The following FAM76A variants were observed in gnomAD, a reference collection of about 807,000 sequenced individuals.
FAM76A encodes family with sequence similarity 76 member A.
In FAM76A, 32 loss-of-function variants were observed where a neutral mutation model predicts 46.2. The ratio of observed to expected loss-of-function variants is 0.69; its 90% CI spans 0.52 to 0.93. The LOEUF (loss-of-function observed/expected upper bound fraction) is 0.93, where lower values mean the gene tolerates loss of function less well. Ranked by LOEUF, FAM76A falls within the 40% of genes least tolerant of loss-of-function variation. The pLI is 0.00. For synonymous variants in FAM76A, 137 were observed against 127.0 expected (o/e 1.08, Z -0.53); for missense variants, 274 against 361.5 (o/e 0.76, Z 1.96).
intron 8 of FAM76A, chr1:27,760,227 C>G (rs1176054666): frequency 5.3e-6 from 2 of 378,552 alleles, no homozygotes; most frequent in Non-Finnish European, 1.0e-5. Context: ...CTCATGAAGT[C>G]ACTTCACAGT....
chr1:27,746,346 G>A (rs542739781), intron 5 of FAM76A, among the ~76,000 whole-genome samples: 2 of 152,302 alleles, frequency 1.3e-5, no homozygotes, highest in East Asian at 3.9e-4. Flanking sequence ...GTTTTGGAAA[G>A]TTGAGTTTGA....
At chr1:27,733,576 G>A (rs1266105708) in intron 3 of FAM76A, among the ~76,000 whole-genome samples, 1 of 151,852 alleles carries the variant, frequency 6.6e-6, no homozygotes, top group African/African-American at 2.4e-5. Flanking sequence ...GGCCGGGCGT[G>A]GTGGCTCACA....
chr1:27,743,676 G>A (rs1487677032), intron 4 of FAM76A, among the ~76,000 whole-genome samples: 1 of 152,012 alleles, frequency 6.6e-6, no homozygotes, highest in Non-Finnish European at 1.5e-5. Flanking sequence ...GAGGTGGGAG[G>A]ATTGCCTGAG....
chr1:27,760,032 C>CA (rs1053192606), intron 8 of FAM76A: 3 of 457,944 alleles, frequency 6.6e-6, no homozygotes, highest in Non-Finnish European at 1.3e-5. Flanking sequence ...CTCAACCTCA[C>CA]AAAGTGCTAG....
chr1:27,732,305 C>T (rs1473237574), intron 2 of FAM76A, among the ~76,000 whole-genome samples: 1 of 152,072 alleles, frequency 6.6e-6, no homozygotes, highest in East Asian at 1.9e-4. Flanking sequence ...TGGTGCGCGC[C>T]TATGATTCCA....
chr1:27,748,085 T>TATAAGATGC (rs2088270040), intron 5 of FAM76A, among the ~76,000 whole-genome samples: 1 of 151,888 alleles, frequency 6.6e-6, no homozygotes, highest in South Asian at 2.1e-4. Flanking sequence ...CTCACAGAAT[T>TATAAGATGC]ATAAGATGCA....
chr1:27,737,650 A>G (rs2088072887), intron 4 of FAM76A, among the ~76,000 whole-genome samples: 2 of 151,976 alleles, frequency 1.3e-5, no homozygotes, highest in Admixed American at 6.6e-5. Context: ...TCAGGAGATT[A>G]AGACCAGCCT....
chr1:27,731,987 AATTTTTGT>A (rs766202347), intron 2 of FAM76A, among the ~76,000 whole-genome samples: 4 of 151,908 alleles, frequency 2.6e-5, no homozygotes, highest in Non-Finnish European at 5.9e-5. Context: ...ACGCCTGGCT[AATTTTTGT>A]ATTTTTAGTA....
At chr1:27,757,699 G>A (rs1384001963) in intron 7 of FAM76A, among the ~76,000 whole-genome samples, 2 of 151,996 alleles carry the variant, frequency 1.3e-5, no homozygotes, top group East Asian at 2.0e-4. Context: ...CTTTGAGGCC[G>A]GGCTTGGTGG....
chr1:27,726,252 C>T (rs952375090), intron 1 of FAM76A, 91 bp downstream of exon 1: 3 of 1,136,226 alleles, frequency 2.6e-6, no homozygotes, highest in Non-Finnish European at 3.3e-6. Flanking sequence ...GCGGGGTCCC[C>T]GGAGCAGGGT....
intron 4 of FAM76A, among the ~76,000 whole-genome samples, chr1:27,744,275 C>T (rs1413489726): frequency 6.6e-6 from 1 of 152,072 alleles, no homozygotes; most frequent in Admixed American, 6.6e-5. Context: ...ACTACAGGTG[C>T]ACGACACTAT....
Position 27,744,828 on chromosome 1 carries a change from T to A in FAM76A, c.512+17T>A, listed in dbSNP as rs374146276. 3 of 1,610,942 alleles carry A rather than the reference T, an allele frequency of 1.9e-6. No homozygotes were observed. In the South Asian group the frequency reaches 3.3e-5, roughly 18 times the overall value. ...TTATAACAGGTAACCTCAAGACACA[T>A]GAGATGGGACTAGAAGTGCTGGTAG... On this transcript the variant is annotated intron_variant, in intron 5 of 8. Coordinates refer to ENST00000373954, the MANE Select transcript of FAM76A (RefSeq NM_152660.3).
Position 27,727,615 on chromosome 1 carries a change from A to G in FAM76A, c.146+79A>G, listed in dbSNP as rs371498417. 2.0e-4 allele frequency: 207 copies of G among 1,022,544 alleles called. No individual in the cohort carries two copies. The African/African-American group carries it at 2.7e-3, about 13-fold the overall frequency. The allele number at this position is 1,022,544 out of a possible 1,614,324, so 63.3% of individuals were successfully genotyped here. ...CTGTAATTGATTGCATTTCATGTAC[A>G]GATGCTATAATCAGTTGCATTGTAA... On this transcript the variant is annotated intron_variant, in intron 2 of 8. Coordinates refer to ENST00000373954, the MANE Select transcript of FAM76A (RefSeq NM_152660.3).
chr1:27,740,388 AG>A, intron 4 of FAM76A: 1 of 1,320,406 alleles, frequency 7.6e-7, no homozygotes, highest in Non-Finnish European at 1.1e-6. Flanking sequence ...TGGGTTTGGA[AG>A]GCAGAAATTC....
At chr1:27,741,305 C>T (rs2088149126) in intron 4 of FAM76A, among the ~76,000 whole-genome samples, 1 of 149,646 alleles carries the variant, frequency 6.7e-6, no homozygotes, top group Non-Finnish European at 1.5e-5. Context: ...CTCAGGCGAT[C>T]CTTCCAAGTA....
intron 2 of FAM76A, among the ~76,000 whole-genome samples, chr1:27,731,198 A>ATTT (rs34236376): frequency 1.0e-4 from 11 of 109,820 alleles, no homozygotes; most frequent in Non-Finnish European, 2.0e-4. Flanking sequence ...AGAAATCAGA[A>ATTT]TTTTTTTTTT....
At chr1:27,743,890 A>G (rs576380726) in intron 4 of FAM76A, among the ~76,000 whole-genome samples, 1 of 152,136 alleles carries the variant, frequency 6.6e-6, no homozygotes, top group South Asian at 2.1e-4. Flanking sequence ...GTAGTGTACT[A>G]CAATCACACC....
In FAM76A at chr1:27,726,026, T is replaced by G. The variant is rs2087851109; in HGVS notation, c.-55T>G. On this transcript the variant is annotated 5_prime_UTR_variant, in exon 1 of 9. Transcript: ENST00000373954. Reference sequence around the variant, plus strand: ...CGCCGCCGGGTTGTGCCTCAGACTGTCAGATAAATCGGCGGGCCGGGCCGG... The same window carrying G: ...CGCCGCCGGGTTGTGCCTCAGACTGGCAGATAAATCGGCGGGCCGGGCCGG... 1 of 1,241,406 alleles carries G rather than the reference T, an allele frequency of 8.1e-7. No homozygotes were observed. Among genetic ancestry groups the G allele is most frequent in the Non-Finnish European group, 1.0e-6 (1 of 986,146 alleles). 76.9% of individuals were successfully genotyped at this position (1,241,406 alleles called of 1,614,324 possible). A position where few individuals can be genotyped will look rare whatever the true frequency, so the allele number is the denominator to read the frequency against.
At chr1:27,738,274 G>A (rs1395007652) in intron 4 of FAM76A, among the ~76,000 whole-genome samples, 1 of 151,886 alleles carries the variant, frequency 6.6e-6, no homozygotes, top group Non-Finnish European at 1.5e-5. Flanking sequence ...GGTGGATCAC[G>A]AGGTCAGGAG....
Sources: allele counts gnomAD v4.1 joint callset (sites outside exome capture counted in the v4.1 genomes callset), GRCh38; gene constraint gnomAD v4.1.1; transcripts MANE v1.5; gene names NCBI Gene and HGNC (gene_info 2026-07-23, HGNC 2026-07-21).